The following RGS17 variants were observed in gnomAD, a reference collection of about 807,000 sequenced individuals.
RGS17 encodes the protein regulator of G protein signaling 17.
A neutral mutation model predicts 25.5 loss-of-function variants in RGS17; 12 were observed. The observed-to-expected ratio is 0.47, with a 90% CI of 0.30 to 0.76. The LOEUF is 0.76. Ranked by LOEUF, RGS17 falls within the 30% of genes least tolerant of loss-of-function variation. The pLI is 0.07. For missense variants in RGS17, 196 were observed against 242.2 expected, an observed-to-expected ratio of 0.81 and a Z score of 1.27; for synonymous variants, 71 against 76.9, an observed-to-expected ratio of 0.92 and a Z score of 0.40.
intron 1 of RGS17, among the ~76,000 whole-genome samples, chr6:153,066,972 G>A (rs1192015128): frequency 4.6e-5 from 7 of 151,984 alleles, no homozygotes; most frequent in African/African-American, 1.4e-4. Flanking sequence ...CCTGGGAGGC[G>A]GAGCTTGCAA....
chr6:153,063,788 G>A (rs1308157288), intron 1 of RGS17, among the ~76,000 whole-genome samples: 2 of 152,068 alleles, frequency 1.3e-5, no homozygotes, highest in East Asian at 1.9e-4. Flanking sequence ...ATTATCGCAA[G>A]GGATTTAATA....
At chr6:153,063,518 T>G (rs1288461241) in intron 1 of RGS17, among the ~76,000 whole-genome samples, 1 of 151,992 alleles carries the variant, frequency 6.6e-6, no homozygotes, top group African/African-American at 2.4e-5. Flanking sequence ...AGACAGGCTG[T>G]TTGGAAATAT....
At chr6:153,062,218 A>T (rs976660547) in intron 1 of RGS17, among the ~76,000 whole-genome samples, 14 of 152,132 alleles carry the variant, frequency 9.2e-5, no homozygotes, top group African/African-American at 3.4e-4. Context: ...TCACTGAAAG[A>T]GGTACTGAAG....
intron 1 of RGS17, among the ~76,000 whole-genome samples, chr6:153,069,739 C>CGTGTGT (rs60117149): frequency 0.13 from 18,617 of 140,864 alleles, 1,280 homozygotes; most frequent in Admixed American, 0.22. Context: ...ATATACACCT[C>CGTGTGT]GTGTGTGTGT....
intron 3 of RGS17, among the ~76,000 whole-genome samples, chr6:153,025,248 G>A (rs1455944921): frequency 6.6e-6 from 1 of 151,780 alleles, no homozygotes; most frequent in African/African-American, 2.4e-5. Flanking sequence ...GGAGCTTCAG[G>A]TTACAGTGAG....
chr6:153,030,772 G>A (rs564059864), intron 2 of RGS17, among the ~76,000 whole-genome samples: 3 of 152,166 alleles, frequency 2.0e-5, no homozygotes, highest in Admixed American at 2.0e-4. Context: ...ACTGGTTCAT[G>A]CAACATTCCC....
chr6:153,022,163 G>A (rs1177449154), intron 4 of RGS17, among the ~76,000 whole-genome samples: 2 of 152,268 alleles, frequency 1.3e-5, no homozygotes, highest in East Asian at 1.9e-4. Flanking sequence ...AGCTAAGATC[G>A]TGCCACTGCA....
Position 153,006,454 on chromosome 6 carries a change from A to G in RGS17, c.*5120T>C, listed in dbSNP as rs529465951. 6 of 152,646 alleles carry G rather than the reference A, an allele frequency of 3.9e-5. No individual in the cohort carries two copies. The highest frequency in any genetic ancestry group is 1.3e-4 in the Admixed American group (2 of 15,280). The allele number at this position is 152,646 out of a possible 1,614,324, so 9.5% of individuals were successfully genotyped here. A position where few individuals can be genotyped will look rare whatever the true frequency, so the allele number is the denominator to read the frequency against. ...CTATCTATCAATCATCTATCTATCT[A>G]TGTCATTGAAAGAAACATTTCTATA... On this transcript the variant is annotated 3_prime_UTR_variant, in exon 5 of 5. Transcript: ENST00000206262.
At chr6:153,019,071 T>A (rs968538851) in intron 4 of RGS17, among the ~76,000 whole-genome samples, 1 of 152,226 alleles carries the variant, frequency 6.6e-6, no homozygotes, top group Non-Finnish European at 1.5e-5. Context: ...AGCAAACTCC[T>A]ACTACGATTA....
intron 1 of RGS17, among the ~76,000 whole-genome samples, chr6:153,050,029 T>C (rs767151935): frequency 7.2e-4 from 110 of 152,056 alleles, no homozygotes; most frequent in Non-Finnish European, 1.2e-3. Flanking sequence ...TAAATTAGAG[T>C]ATGCAACTTT....
intron 2 of RGS17, among the ~76,000 whole-genome samples, chr6:153,028,552 GTTC>G (rs1779328135): frequency 6.6e-6 from 1 of 152,118 alleles, no homozygotes; most frequent in African/African-American, 2.4e-5. Context: ...GAGTAAGAAA[GTTC>G]TTCTCTGGAA....
chr6:153,093,295 T>C (rs1237669633), intron 1 of RGS17, among the ~76,000 whole-genome samples: 1 of 152,200 alleles, frequency 6.6e-6, no homozygotes, highest in African/African-American at 2.4e-5. Flanking sequence ...GCAGATGAAC[T>C]GCATTTTAGA....
chr6:153,095,232 C>A (rs1777192375), intron 1 of RGS17, among the ~76,000 whole-genome samples: 1 of 151,996 alleles, frequency 6.6e-6, no homozygotes, highest in African/African-American at 2.4e-5. Context: ...AAAGAGAAAA[C>A]CATTATGTTT....
chr6:153,097,283 T>C (rs1562333164), intron 1 of RGS17, among the ~76,000 whole-genome samples: 1 of 132,008 alleles, frequency 7.6e-6, no homozygotes, highest in Non-Finnish European at 1.5e-5. Flanking sequence ...ACAATAGCGT[T>C]TTTTTGATTT....
intron 2 of RGS17, among the ~76,000 whole-genome samples, chr6:153,033,879 C>G (rs955245193): frequency 2.6e-5 from 4 of 152,060 alleles, no homozygotes; most frequent in African/African-American, 9.7e-5. Context: ...AAGTGAATGC[C>G]TTAATGGGAA....
intron 1 of RGS17, among the ~76,000 whole-genome samples, chr6:153,123,898 T>G (rs1436475256): frequency 6.6e-6 from 1 of 152,174 alleles, no homozygotes; most frequent in Non-Finnish European, 1.5e-5. Context: ...TGTACACATT[T>G]TCTTTATTTC....
At chr6:153,122,889 G>A (rs1265512443) in intron 1 of RGS17, among the ~76,000 whole-genome samples, 3 of 117,718 alleles carry the variant, frequency 2.5e-5, no homozygotes, top group Admixed American at 2.4e-4. Context: ...CCAAACAGTA[G>A]GTAGGGAAAA....
At chr6:153,027,429 G>A (rs1779314710) in intron 2 of RGS17, among the ~76,000 whole-genome samples, 1 of 152,080 alleles carries the variant, frequency 6.6e-6, no homozygotes, top group Admixed American at 6.5e-5. Context: ...TAACTCAGTG[G>A]CTCGGGAAAA....
At chr6:153,063,908 A>C (rs1288363021) in intron 1 of RGS17, among the ~76,000 whole-genome samples, 2 of 152,180 alleles carry the variant, frequency 1.3e-5, no homozygotes, top group Non-Finnish European at 2.9e-5. Flanking sequence ...TTTCAGTGGA[A>C]ATGTTACAGG....
Sources: allele counts gnomAD v4.1 joint callset (sites outside exome capture counted in the v4.1 genomes callset), GRCh38; gene constraint gnomAD v4.1.1; transcripts MANE v1.5; gene names NCBI Gene and HGNC (gene_info 2026-07-23, HGNC 2026-07-21).